Variants in NRXN3 observed in about 807,000 individuals in gnomAD.
NRXN3 encodes neurexin III.
Under a neutral mutation model 137.6 loss-of-function variants are expected in NRXN3, and 32 were observed. That is an observed-to-expected ratio of 0.23 (90% confidence interval 0.18 to 0.31). The LOEUF (loss-of-function observed/expected upper bound fraction) is 0.31, where lower values mean the gene tolerates loss of function less well. Ranked by LOEUF, NRXN3 falls within the 10% of genes least tolerant of loss-of-function variation. The pLI is 1.00. For synonymous variants in NRXN3, 798 were observed against 784.5 expected (o/e 1.02, Z -0.29); for missense variants, 1,574 against 2,062.5 (o/e 0.76, Z 4.59).
At chr14:78,329,489 C>T (rs1284768761) in intron 4 of NRXN3, among the ~76,000 whole-genome samples, 3 of 152,126 alleles carry the variant, frequency 2.0e-5, no homozygotes, top group Admixed American at 6.6e-5. Flanking sequence ...CCCTCCTGCT[C>T]CTATCTAATT....
intron 4 of NRXN3, among the ~76,000 whole-genome samples, chr14:78,562,686 G>A (rs370757098): frequency 6.6e-6 from 1 of 152,172 alleles, no homozygotes. Context: ...AACCACATGA[G>A]AGGTTCCAAG....
At chr14:78,395,794 A>T (rs939620439) in intron 4 of NRXN3, among the ~76,000 whole-genome samples, 1 of 151,974 alleles carries the variant, frequency 6.6e-6, no homozygotes, top group African/African-American at 2.4e-5. Flanking sequence ...TTTGATATTA[A>T]TAGAGCCATT....
intron 19 of NRXN3, among the ~76,000 whole-genome samples, chr14:79,774,590 C>T (rs2139913342): frequency 6.6e-6 from 1 of 152,220 alleles, no homozygotes; most frequent in East Asian, 1.9e-4. Context: ...TAATGAATGT[C>T]TTCGCATTCA....
rs146797633 is a variant in NRXN3, at chr14:79,251,964, A to T, written c.3263-215257A>T. On this transcript the variant is annotated intron_variant, in intron 15 of 20. Coordinates refer to ENST00000335750, the MANE Select transcript of NRXN3 (RefSeq NM_001330195.2). ...TTCACAAGTAGCTGGGACTGCAGGC[A>T]CACCATGCCCAGCCAATTTTTTATT... Among the ~76,000 whole-genome samples, 4 of 152,080 alleles carry T rather than the reference A, an allele frequency of 2.6e-5. No homozygotes were observed. In the East Asian group the frequency reaches 7.7e-4, roughly 29 times the overall value.
chr14:78,567,121 T>A (rs1386142358), intron 4 of NRXN3, among the ~76,000 whole-genome samples: 1 of 152,130 alleles, frequency 6.6e-6, no homozygotes, highest in Non-Finnish European at 1.5e-5. Context: ...CAAGGGAAGG[T>A]GACCAAAAGA....
At chr14:79,416,961 T>C (rs1289620576) in intron 15 of NRXN3, among the ~76,000 whole-genome samples, 1 of 152,152 alleles carries the variant, frequency 6.6e-6, no homozygotes, top group Non-Finnish European at 1.5e-5. Flanking sequence ...CACCAAAGAA[T>C]ATTTCTATAA....
intron 15 of NRXN3, among the ~76,000 whole-genome samples, chr14:79,257,697 A>T (rs185757028): frequency 6.6e-6 from 1 of 151,070 alleles, no homozygotes; most frequent in Admixed American, 6.6e-5. Flanking sequence ...TGCATTTGAG[A>T]AGTAAGACAA....
At chr14:78,568,257 G>C (rs1385666733) in intron 4 of NRXN3, among the ~76,000 whole-genome samples, 1 of 152,158 alleles carries the variant, frequency 6.6e-6, no homozygotes, top group Admixed American at 6.5e-5. Context: ...AGTGCTTTGG[G>C]ATTAGTGCTC....
At chr14:78,543,150 T>C (rs1210670256) in intron 4 of NRXN3, among the ~76,000 whole-genome samples, 2 of 152,124 alleles carry the variant, frequency 1.3e-5, no homozygotes, top group Non-Finnish European at 2.9e-5. Flanking sequence ...AGGTGATGGT[T>C]ATCTGAGCAC....
intron 10 of NRXN3, among the ~76,000 whole-genome samples, chr14:78,939,167 T>A (rs2099348288): frequency 6.6e-6 from 1 of 152,142 alleles, no homozygotes; most frequent in African/African-American, 2.4e-5. Context: ...TCTAAGGCAA[T>A]AATCTGACCC....
intron 16 of NRXN3, among the ~76,000 whole-genome samples, chr14:79,563,686 A>T (rs1303525528): frequency 6.6e-6 from 1 of 150,404 alleles, no homozygotes; most frequent in Non-Finnish European, 1.5e-5. Context: ...AAAAGGAGAA[A>T]GCATGATAAA....
chr14:79,496,380 G>T (rs1004624798), intron 16 of NRXN3, among the ~76,000 whole-genome samples: 3 of 151,902 alleles, frequency 2.0e-5, no homozygotes, highest in African/African-American at 7.3e-5. Flanking sequence ...TCTGATCTGT[G>T]GTGAAAATAG....
At chr14:78,322,448 T>C (rs182368055) in intron 4 of NRXN3, among the ~76,000 whole-genome samples, 48 of 152,130 alleles carry the variant, frequency 3.2e-4, no homozygotes, top group African/African-American at 1.1e-3. Context: ...TGTGTAATGT[T>C]GTAGCCTTAT....
chr14:79,569,438 G>A (rs2097577150), intron 16 of NRXN3, among the ~76,000 whole-genome samples: 1 of 152,108 alleles, frequency 6.6e-6, no homozygotes, highest in African/African-American at 2.4e-5. Flanking sequence ...ATCCTAATCA[G>A]GGTAGATGAT....
chr14:78,549,375 C>T (rs1338119479), intron 4 of NRXN3, among the ~76,000 whole-genome samples: 1 of 152,140 alleles, frequency 6.6e-6, no homozygotes. Flanking sequence ...CACTTGATTA[C>T]TCTTAGTTTT....
chr14:79,861,142 C>T lies in NRXN3; in HGVS notation c.4094-200C>T, dbSNP rs1031021445. ...CACTCCCCCCTACCTTTCGCCCCCT[C>T]CTCACCATTATTGAGACCACCAAAG... On this transcript the variant is annotated intron_variant, in intron 20 of 20. Transcript: ENST00000335750. The surrounding 1 kb of genome is among the most constrained non-coding windows in gnomAD (Gnocchi z 5.4). The T allele has an allele frequency of 7.2e-6, 11 of 1,520,312 alleles. No homozygotes were observed. Among genetic ancestry groups the T allele is most frequent in the African/African-American group, 1.4e-5 (1 of 72,384 alleles). 94.2% of individuals were successfully genotyped at this position (1,520,312 alleles called of 1,614,324 possible). A position where few individuals can be genotyped will look rare whatever the true frequency, so the allele number is the denominator to read the frequency against.
rs867723054 is a variant in NRXN3, at chr14:78,348,110, G to A, written c.757+50250G>A. ...AGTCAGTTGAGCCCAGGTGTGCATG[G>A]CATCAAAGCTCATGTTTTTCACCAC... On this transcript the variant is annotated intron_variant, in intron 4 of 20. Coordinates refer to ENST00000335750, the MANE Select transcript of NRXN3 (RefSeq NM_001330195.2). Among the ~76,000 whole-genome samples, 57 of 152,216 alleles carry A rather than the reference G, an allele frequency of 3.7e-4. No individual in the cohort carries two copies. In the Middle Eastern group the frequency reaches 0.01, roughly 27 times the overall value.
chr14:78,531,671 G>A (rs1162754170), intron 4 of NRXN3, among the ~76,000 whole-genome samples: 2 of 152,118 alleles, frequency 1.3e-5, no homozygotes, highest in Non-Finnish European at 2.9e-5. Context: ...GTCTGACACG[G>A]TATTTGGGAC....
At chr14:79,804,768 A>G (rs572171697) in intron 19 of NRXN3, among the ~76,000 whole-genome samples, 3 of 152,260 alleles carry the variant, frequency 2.0e-5, no homozygotes, top group African/African-American at 7.2e-5. Flanking sequence ...CCTTTACAAC[A>G]GCCCTTCTCC....
Sources: gnomAD v4.1 joint callset for allele counts (sites outside exome capture counted in the v4.1 genomes callset) on GRCh38, gnomAD v4.1.1 for gene constraint, Gnocchi (gnomAD v3.1) non-coding constraint, MANE v1.5 for transcripts, NCBI Gene and HGNC (gene_info 2026-07-23, HGNC 2026-07-21) for gene names.